Variants in GRIN1 observed in about 807,000 individuals in gnomAD.
GRIN1 encodes the protein glutamate receptor ionotropic, NMDA 1.
Under a neutral mutation model 103.0 loss-of-function variants are expected in GRIN1, and 38 were observed. The ratio of observed to expected loss-of-function variants is 0.37; its 90% confidence interval spans 0.28 to 0.48. The LOEUF (loss-of-function observed/expected upper bound fraction) is 0.48. Among genes scored for constraint, GRIN1 ranks in the 20% least tolerant of loss-of-function variants. The pLI is 0.98. For missense variants in GRIN1, 577 were observed against 1,288.9 expected, an observed-to-expected ratio of 0.45 and a Z score of 8.46; for synonymous variants, 544 against 532.7, an observed-to-expected ratio of 1.02 and a Z score of -0.29.
intron 3 of GRIN1, chr9:137,148,009 G>GC: frequency 1.6e-6 from 1 of 608,766 alleles, no homozygotes; most frequent in Non-Finnish European, 2.9e-6. Context: ...CCCGCCCCGG[G>GC]CCTCGGTGTT....
chr9:137,148,410 G>A (rs1460638982), intron 3 of GRIN1, among the ~76,000 whole-genome samples: 1 of 152,216 alleles, frequency 6.6e-6, no homozygotes, highest in Admixed American at 6.5e-5. Flanking sequence ...CCCACCCGCC[G>A]TGACCCTAGC....
At chr9:137,155,099 G>A (rs1833141275) in intron 4 of GRIN1, among the ~76,000 whole-genome samples, 1 of 152,244 alleles carries the variant, frequency 6.6e-6, no homozygotes, top group South Asian at 2.1e-4. Context: ...CATCTTGATT[G>A]GTATCAGCTA....
intron 2 of GRIN1, among the ~76,000 whole-genome samples, chr9:137,144,624 G>A (rs979059796): frequency 3.3e-5 from 5 of 149,500 alleles, no homozygotes; most frequent in African/African-American, 9.9e-5. Context: ...TCCAGCCTGG[G>A]TAACAGTGCG....
intron 10 of GRIN1, 107 bp downstream of exon 10, chr9:137,161,523 G>A: frequency 9.3e-7 from 1 of 1,078,016 alleles, no homozygotes; most frequent in Non-Finnish European, 1.4e-6. Flanking sequence ...GGGGGGTCCT[G>A]GGGTGAGTGG....
At position 137,167,844 on chromosome 9, in the gene GRIN1, GC is replaced by G; in HGVS notation, c.*322del. The stretch of plus-strand genomic sequence containing the variant: ...CCCTCGGTCAGCACCGTGGTGTGAG[GC>G]CCCCGGAGGCGCCCACCTGCCCAGT... On this transcript the variant is annotated 3_prime_UTR_variant, in exon 20 of 20. Transcript: ENST00000371561. 1 of 1,611,558 alleles carries G rather than the reference GC, an allele frequency of 6.2e-7. No homozygotes were observed. Among genetic ancestry groups the G allele is most frequent in the Non-Finnish European group, 8.5e-7 (1 of 1,179,236 alleles).
chr9:137,153,047 ACAC>A (rs1832993917), intron 4 of GRIN1, among the ~76,000 whole-genome samples: 1 of 152,062 alleles, frequency 6.6e-6, no homozygotes, highest in East Asian at 1.9e-4. Context: ...GTCATACACA[ACAC>A]ATACACGTGC....
Position 137,139,547 on chromosome 9 carries a change from G to T in GRIN1, c.61G>T (p.Ala21Ser). ...LLFSCSVARAACDPKIVNIGA... is the reference protein window; with the variant it reads ...LLFSCSVARASCDPKIVNIGA... ...GTTCTCCTGCTCCGTCGCCCGTGCC[G>T]CGTGCGACCCCAAGATCGTCAACAT... The change falls in exon 1 of 20, where the codon GCG (alanine) becomes TCG (serine). Residue 21 changes from alanine (A) to serine (S), a missense_variant. By Grantham distance (99) the Ala-to-Ser change is moderately conservative (BLOSUM62 1). Coordinates refer to ENST00000371561, the MANE Select transcript of GRIN1 (RefSeq NM_007327.4). This position sits in a 1 kb window ranked among gnomAD's most constrained non-coding sequence, Gnocchi z 7.7. 6.2e-7 allele frequency: 1 copy of T among 1,611,142 alleles called. No homozygotes were observed. The highest frequency in any genetic ancestry group is 8.5e-7 in the Non-Finnish European group (1 of 1,178,832).
intron 4 of GRIN1, among the ~76,000 whole-genome samples, chr9:137,154,792 G>A (rs979375913): frequency 6.6e-6 from 1 of 152,172 alleles, no homozygotes; most frequent in Non-Finnish European, 1.5e-5. Flanking sequence ...TGTCAGGGCT[G>A]GAAAGGACCC....
At position 137,158,701 on chromosome 9, in the gene GRIN1, G is replaced by A. The variant is rs762683850; in HGVS notation, c.1194G>A (p.Leu398=). The change falls in exon 8 of 20, where the codon CTG becomes CTA. Residue 398 remains leucine (L), a synonymous_variant. Transcript: ENST00000371561. ...GAGGGTACCAGATGTCCACCAGACT[G>A]AAGGTGGGGGCCCCACAGACCTCCC... The part of the protein sequence containing the change: ...KPRGYQMSTR[L]KIVTIHQEPF... 1 of 1,611,290 alleles carries A rather than the reference G, an allele frequency of 6.2e-7. No individual in the cohort carries two copies. The highest frequency in any genetic ancestry group is 8.5e-7 in the Non-Finnish European group (1 of 1,178,508).
chr9:137,157,794 C>T (rs546932993), intron 6 of GRIN1, among the ~76,000 whole-genome samples: 3 of 152,372 alleles, frequency 2.0e-5, no homozygotes, highest in East Asian at 1.9e-4. Flanking sequence ...GTAGGCAGCA[C>T]GTGTGCACAC....
chr9:137,151,650 ACT>A (rs768936559), intron 4 of GRIN1, among the ~76,000 whole-genome samples: 1 of 152,156 alleles, frequency 6.6e-6, no homozygotes, highest in Non-Finnish European at 1.5e-5. Context: ...GCCCCGCCAG[ACT>A]CTCAGAAGTT....
rs886039622 is a variant in GRIN1, at chr9:137,145,837, G to A, written c.505G>A (p.Asp169Asn). ...GAACCACATCATCCTGCTGGTCAGCGACGACCACGAGGGCCGGGCGGCTCA... is the reference window on the plus strand; with the variant it reads ...GAACCACATCATCCTGCTGGTCAGCAACGACCACGAGGGCCGGGCGGCTCA... ...SWNHIILLVS[D>N]DHEGRAAQKR... is the part of the protein sequence containing the mutation. Residue 169 changes from aspartate to asparagine, a missense_variant, in exon 3 of 20, where the codon GAC (aspartate) becomes AAC (asparagine). This residue lies in a region of GRIN1 where 308 missense variants were observed against 553.6 expected (regional missense o/e 0.56). Coordinates refer to ENST00000371561, the MANE Select transcript of GRIN1 (RefSeq NM_007327.4). 1.5e-5 allele frequency: 24 copies of A among 1,612,316 alleles called. No homozygotes were observed. Among genetic ancestry groups the A allele is most frequent in the South Asian group, 6.6e-5 (6 of 90,770 alleles).
At chr9:137,152,950 C>T (rs1004769118) in intron 4 of GRIN1, among the ~76,000 whole-genome samples, 11 of 151,910 alleles carry the variant, frequency 7.2e-5, no homozygotes, top group African/African-American at 1.9e-4. Flanking sequence ...ACCATGCATA[C>T]ACCATACACA....
At chr9:137,158,951 A>C (rs1216138688) in intron 8 of GRIN1, among the ~76,000 whole-genome samples, 1 of 152,154 alleles carries the variant, frequency 6.6e-6, no homozygotes, top group Non-Finnish European at 1.5e-5. Flanking sequence ...ACCCAGCCCT[A>C]CTTAAGTCTG....
intron 1 of GRIN1, among the ~76,000 whole-genome samples, chr9:137,140,366 G>A (rs947582470): frequency 2.6e-5 from 4 of 152,188 alleles, no homozygotes; most frequent in African/African-American, 9.7e-5. Context: ...TGGGCCGAGC[G>A]CCTGCTGAAT....
intron 4 of GRIN1, among the ~76,000 whole-genome samples, chr9:137,152,002 G>A (rs1394157910): frequency 6.7e-6 from 1 of 149,950 alleles, no homozygotes; most frequent in Admixed American, 6.7e-5. Flanking sequence ...CACCTCCCGG[G>A]CTCACGCCAT....
intron 4 of GRIN1, among the ~76,000 whole-genome samples, chr9:137,153,783 C>T (rs1488986887): frequency 1.3e-5 from 2 of 152,210 alleles, no homozygotes; most frequent in Admixed American, 1.3e-4. Flanking sequence ...GACCACAGCA[C>T]ACATCAACCA....
chr9:137,139,805 C>T lies in GRIN1; in HGVS notation c.258+61C>T. ...TCCTCCATCCTGCAACCCCACACCC[C>T]CAGTTTCATTCCATCCTTTCCGTGC... On this transcript the variant is annotated intron_variant, in intron 1 of 19. Coordinates refer to ENST00000371561, the MANE Select transcript of GRIN1 (RefSeq NM_007327.4). This position sits in a 1 kb window ranked among gnomAD's most constrained non-coding sequence, Gnocchi z 7.7. 1.5e-6 allele frequency: 2 copies of T among 1,294,152 alleles called. No individual in the cohort carries two copies. The highest frequency in any genetic ancestry group is 1.5e-5 in the African/African-American group (1 of 68,926). The allele number at this position is 1,294,152 out of a possible 1,614,324, so 80.2% of individuals were successfully genotyped here.
chr9:137,167,822 T>C lies in GRIN1; in HGVS notation c.*295T>C. ...GGGCCCGCTCAACCTCTCAGATCCC[T>C]CGGTCAGCACCGTGGTGTGAGGCCC... On this transcript the variant is annotated 3_prime_UTR_variant, in exon 20 of 20. Coordinates refer to ENST00000371561, the MANE Select transcript of GRIN1 (RefSeq NM_007327.4). The C allele has an allele frequency of 1.2e-6, 2 of 1,612,196 alleles. No homozygotes were observed. Among genetic ancestry groups the C allele is most frequent in the Non-Finnish European group, 1.7e-6 (2 of 1,179,630 alleles).
Sources: allele counts gnomAD v4.1 joint callset (sites outside exome capture counted in the v4.1 genomes callset), GRCh38; gene constraint gnomAD v4.1.1; regional missense constraint gnomAD v4.1.1; non-coding constraint Gnocchi (gnomAD v3.1); transcripts MANE v1.5; gene names NCBI Gene and HGNC (gene_info 2026-07-23, HGNC 2026-07-21).